The following PCDH15 variants were observed in gnomAD, a reference collection of about 807,000 sequenced individuals.
PCDH15 encodes the protein protocadherin-15.
In PCDH15, 129 loss-of-function variants were observed where a neutral mutation model predicts 178.5. That is an observed-to-expected ratio of 0.72 (90% CI 0.63 to 0.84). The LOEUF is 0.84. Ranked by LOEUF, PCDH15 falls within the 40% of genes least tolerant of loss-of-function variation. PCDH15 has a pLI of 0.00. For missense variants in PCDH15, 2,230 were observed against 2,099.9 expected, an observed-to-expected ratio of 1.06 and a Z score of -1.21; for synonymous variants, 800 against 732.0, an observed-to-expected ratio of 1.09 and a Z score of -1.50.
chr10:55,254,510 A>C (rs1488309200), intron 1 of PCDH15, among the ~76,000 whole-genome samples: 1 of 152,194 alleles, frequency 6.6e-6, no homozygotes, highest in African/African-American at 2.4e-5. Context: ...TGAGTAACAG[A>C]CCAAAGCAAA....
At chr10:54,383,709 C>A (rs981362623) in intron 3 of PCDH15, among the ~76,000 whole-genome samples, 4 of 150,104 alleles carry the variant, frequency 2.7e-5, no homozygotes, top group African/African-American at 9.8e-5. Flanking sequence ...CTTCATACCC[C>A]ACTCTCCTCA....
chr10:54,604,983 A>G (rs1300236314), intron 2 of PCDH15, among the ~76,000 whole-genome samples: 1 of 151,824 alleles, frequency 6.6e-6, no homozygotes, highest in African/African-American at 2.4e-5. Context: ...TACATAAAAT[A>G]TAATTATAAT....
At chr10:54,986,924 A>C (rs564653034) in intron 2 of PCDH15, among the ~76,000 whole-genome samples, 215 of 152,296 alleles carry the variant, frequency 1.4e-3, no homozygotes, top group Non-Finnish European at 2.2e-3. Context: ...TTCAGGATAC[A>C]TGTGCAGAAT....
intron 18 of PCDH15, among the ~76,000 whole-genome samples, chr10:54,040,530 G>A (rs565301532): frequency 1.6e-4 from 25 of 152,070 alleles, no homozygotes; most frequent in East Asian, 5.8e-4. Context: ...TATCAGCAGC[G>A]TGAAAATGGG....
intron 1 of PCDH15, among the ~76,000 whole-genome samples, chr10:55,188,549 G>T (rs1292425165): frequency 1.3e-5 from 2 of 151,798 alleles, no homozygotes; most frequent in African/African-American, 4.8e-5. Flanking sequence ...CTGGAGTTAA[G>T]AAACTATTTT....
At chr10:54,503,404 C>T (rs1396395396) in intron 3 of PCDH15, among the ~76,000 whole-genome samples, 1 of 150,116 alleles carries the variant, frequency 6.7e-6, no homozygotes, top group African/African-American at 2.4e-5. Flanking sequence ...ACAGTCATTG[C>T]TTGTGAAATA....
chr10:55,354,257 T>C (rs1192770364), intron 2 of PCDH15, among the ~76,000 whole-genome samples: 1 of 152,104 alleles, frequency 6.6e-6, no homozygotes, highest in Admixed American at 6.6e-5. Flanking sequence ...ATCACCCCAT[T>C]ACTCTGATCC....
At chr10:53,811,515 TAAG>T (rs763082992) in intron 36 of PCDH15, 31 bp downstream of exon 36, 55 of 1,232,510 alleles carry the variant, frequency 4.5e-5, no homozygotes, top group Admixed American at 2.1e-4. Context: ...AATATTAAAA[TAAG>T]AATCTGAATT....
intron 27 of PCDH15, among the ~76,000 whole-genome samples, chr10:53,858,818 A>G (rs900343271): frequency 6.6e-6 from 1 of 152,144 alleles, no homozygotes; most frequent in Non-Finnish European, 1.5e-5. Context: ...AGCGAAAGGG[A>G]TCATTACAGT....
In PCDH15 at chr10:54,079,226, T is replaced by C. The variant is rs904163530; in HGVS notation, c.2091+105A>G. On this transcript the variant is annotated intron_variant, in intron 17 of 37. Transcript: ENST00000644397. ...AACACTTCTAGTAATTATAAGAAGT[T>C]GCTCCAGATGAAAAACATTAATTCA... 3.7e-6 allele frequency: 4 copies of C among 1,087,564 alleles called. No individual in the cohort carries two copies. In the African/African-American group the frequency reaches 6.2e-5, roughly 17 times the overall value. The allele number at this position is 1,087,564 out of a possible 1,614,324, so 67.4% of individuals were successfully genotyped here.
intron 2 of PCDH15, among the ~76,000 whole-genome samples, chr10:54,984,189 C>G (rs1411309610): frequency 6.6e-6 from 1 of 152,108 alleles, no homozygotes; most frequent in Non-Finnish European, 1.5e-5. Flanking sequence ...AAACAAGGTC[C>G]CTCTGATCTT....
chr10:54,429,166 T>C (rs941924335), intron 3 of PCDH15, among the ~76,000 whole-genome samples: 1 of 152,044 alleles, frequency 6.6e-6, no homozygotes, highest in Non-Finnish European at 1.5e-5. Context: ...GAAAGAGCAA[T>C]AAGTTAAAAA....
intron 18 of PCDH15, among the ~76,000 whole-genome samples, chr10:54,034,627 A>ATTTGTAGAG (rs6143912): frequency 3.8e-5 from 1 of 26,636 alleles, no homozygotes; most frequent in Non-Finnish European, 2.2e-4. Context: ...GACTGCATTC[A>ATTTGTAGAG]AAGAGCTAAG....
chr10:54,861,122 A>C (rs1564578501), intron 3 of PCDH15, among the ~76,000 whole-genome samples: 1 of 152,108 alleles, frequency 6.6e-6, no homozygotes, highest in East Asian at 1.9e-4. Context: ...ATTCTCCTTT[A>C]AAGATTTTGA....
chr10:55,255,562 CCCA>C (rs1042353552), intron 1 of PCDH15, among the ~76,000 whole-genome samples: 288 of 152,256 alleles, frequency 1.9e-3, no homozygotes, highest in Non-Finnish European at 3.4e-3. Flanking sequence ...AGTTTACACT[CCCA>C]CCAACAGTGT....
intron 2 of PCDH15, among the ~76,000 whole-genome samples, chr10:55,419,828 T>C (rs762221665): frequency 1.4e-4 from 22 of 151,778 alleles, no homozygotes; most frequent in Non-Finnish European, 3.1e-4. Flanking sequence ...ATGTATACTA[T>C]AGTGCATTTT....
intron 3 of PCDH15, among the ~76,000 whole-genome samples, chr10:54,870,613 G>A (rs1210624174): frequency 2.0e-5 from 3 of 151,732 alleles, no homozygotes; most frequent in African/African-American, 7.2e-5. Context: ...GTGAAAACCC[G>A]TCTCTACTAA....
At chr10:54,645,184 G>T (rs2094100991) in intron 2 of PCDH15, among the ~76,000 whole-genome samples, 1 of 152,054 alleles carries the variant, frequency 6.6e-6, no homozygotes, top group South Asian at 2.1e-4. Context: ...TTGTAGGTTG[G>T]CATGTCTGTG....
At chr10:53,935,181 A>G (rs1360606375) in intron 25 of PCDH15, among the ~76,000 whole-genome samples, 1 of 152,174 alleles carries the variant, frequency 6.6e-6, no homozygotes, top group African/African-American at 2.4e-5. Flanking sequence ...TAATTTAAAA[A>G]AAGAAAATGA....
Sources: allele counts gnomAD v4.1 joint callset (sites outside exome capture counted in the v4.1 genomes callset), GRCh38; gene constraint gnomAD v4.1.1; transcripts MANE v1.5; gene names NCBI Gene and HGNC (gene_info 2026-07-23, HGNC 2026-07-21).